Variants in ELOVL4 observed in about 807,000 individuals in gnomAD.
ELOVL4 encodes very long chain fatty acid elongase 4.
A neutral mutation model predicts 42.1 loss-of-function variants in ELOVL4; 18 were observed. That is an observed-to-expected ratio of 0.43 (90% CI 0.30 to 0.63). ELOVL4 has a LOEUF of 0.63. ELOVL4 is among the 30% of genes least tolerant of loss of function. The pLI is 0.15. For synonymous variants in ELOVL4, 117 were observed against 127.0 expected (o/e 0.92, Z 0.53); for missense variants, 299 against 376.2 (o/e 0.79, Z 1.70).
rs761446261 is a variant in ELOVL4, at chr6:79,916,690, G to T, written c.863C>A (p.Ala288Glu). The T allele has an allele frequency of 5.0e-6, 8 of 1,613,988 alleles. No homozygotes were observed. In the East Asian group the frequency reaches 1.6e-4, roughly 31 times the overall value. The stretch of plus-strand genomic sequence containing the variant: ...TTTTTCTGATTTGCTCACACCATTT[G>T]CTGAAATACCATTCATGGCTGTTTT... ...AGKTAMNGIS[A>E]NGVSKSEKQL... is the part of the protein sequence containing the mutation. The change falls in exon 6 of 6, where the codon GCA (alanine) becomes GAA (glutamate). Residue 288 changes from alanine to glutamate, a missense_variant. By Grantham distance (107) the Ala-to-Glu change is moderately radical (BLOSUM62 -1). Transcript: ENST00000369816.
intron 3 of ELOVL4, among the ~76,000 whole-genome samples, chr6:79,922,448 T>C (rs1168488377): frequency 2.1e-4 from 32 of 152,202 alleles, no homozygotes; most frequent in Non-Finnish European, 1.5e-5. Flanking sequence ...TTTCCTGGGC[T>C]CTAATTAAGG....
intron 1 of ELOVL4, among the ~76,000 whole-genome samples, chr6:79,942,619 G>T (rs1357628419): frequency 6.6e-6 from 1 of 152,172 alleles, no homozygotes; most frequent in Non-Finnish European, 1.5e-5. Context: ...TTACAAAAGT[G>T]CCATCTGATA....
intron 1 of ELOVL4, 134 bp from the exon 2 acceptor site, chr6:79,926,515 A>G: frequency 1.2e-6 from 1 of 837,470 alleles, no homozygotes. Flanking sequence ...TTGAGTCCCA[A>G]CAAAAAATAC....
chr6:79,947,254 C>A lies in ELOVL4; in HGVS notation c.26G>T (p.Gly9Val). ...CGTGGACACTACGTTTAGGACACTA[C>A]CCGGCTCCGAGTCCAGGAGCCCCAT... MGLLDSEP[G>V]SVLNVVSTAL... The change falls in exon 1 of 6, where the codon GGT (glycine) becomes GTT (valine). Residue 9 changes from glycine (G) to valine (V), a missense_variant. Gly to Val is a moderately radical substitution (Grantham distance 109). Coordinates refer to ENST00000369816, the MANE Select transcript of ELOVL4 (RefSeq NM_022726.4). 1.2e-6 allele frequency: 2 copies of A among 1,612,954 alleles called. No homozygotes were observed. The highest frequency in any genetic ancestry group is 1.7e-6 in the Non-Finnish European group (2 of 1,179,458).
At chr6:79,930,947 T>C (rs1774432486) in intron 1 of ELOVL4, among the ~76,000 whole-genome samples, 3 of 152,156 alleles carry the variant, frequency 2.0e-5, no homozygotes, top group Admixed American at 2.0e-4. Flanking sequence ...ATTAATTCAT[T>C]AAGAAAAAAG....
chr6:79,926,527 T>A, intron 1 of ELOVL4, 146 bp from the exon 2 acceptor site: 1 of 798,848 alleles, frequency 1.3e-6, no homozygotes, highest in African/African-American at 1.7e-5. Flanking sequence ...AAAAAATACA[T>A]GGTATAAAAA....
chr6:79,917,702 T>C (rs998221806), intron 5 of ELOVL4, among the ~76,000 whole-genome samples: 2 of 152,006 alleles, frequency 1.3e-5, no homozygotes, highest in African/African-American at 4.8e-5. Flanking sequence ...ATGACTGTAA[T>C]CCCAGCTACT....
At chr6:79,921,569 C>CCACTGAA in intron 4 of ELOVL4, 56 bp downstream of exon 4, 1 of 1,500,006 alleles carries the variant, frequency 6.7e-7, no homozygotes, top group Non-Finnish European at 9.2e-7. Context: ...TCATTGCTTT[C>CCACTGAA]CACTGAACAC....
In ELOVL4 at chr6:79,947,463, G is replaced by C; in HGVS notation, c.-184C>G. 3.2e-6 allele frequency: 2 copies of C among 620,554 alleles called. No homozygotes were observed. Among genetic ancestry groups the C allele is most frequent in the Middle Eastern group, 4.3e-4 (1 of 2,316 alleles). 38.4% of individuals were successfully genotyped at this position (620,554 alleles called of 1,614,324 possible). A position where few individuals can be genotyped will look rare whatever the true frequency, so the allele number is the denominator to read the frequency against. ...CGGCGGGGATGCGGCAGAAGGCAGG[G>C]CCAAGCGGAAGGCGTCGTCAAGGTT... On this transcript the variant is annotated 5_prime_UTR_variant, in exon 1 of 6. Transcript: ENST00000369816.
intron 1 of ELOVL4, among the ~76,000 whole-genome samples, chr6:79,945,787 C>T (rs1774730516): frequency 6.8e-6 from 1 of 147,334 alleles, no homozygotes; most frequent in African/African-American, 2.5e-5. Context: ...AGTGTAATAG[C>T]GCATAGAAAC....
In ELOVL4 at chr6:79,924,558, A is replaced by G. The variant is rs145148660; in HGVS notation, c.369+394T>C. On this transcript the variant is annotated intron_variant, in intron 3 of 5. Transcript: ENST00000369816. ...CTATCATATTAAAGTACATTTTGCCAGGTGTGGTGGCTCACACCTGTAATC... is the reference window on the plus strand; with the variant it reads ...CTATCATATTAAAGTACATTTTGCCGGGTGTGGTGGCTCACACCTGTAATC... Among the ~76,000 whole-genome samples the G allele has an allele frequency of 5.7e-3, 864 of 152,286 alleles. 8 individuals carry two copies. The highest frequency in any genetic ancestry group is 0.02 in the African/African-American group (813 of 41,566).
chr6:79,918,802 G>T (rs1408867598), intron 5 of ELOVL4, among the ~76,000 whole-genome samples: 2 of 152,190 alleles, frequency 1.3e-5, no homozygotes, highest in African/African-American at 4.8e-5. Flanking sequence ...CTTACTAGCG[G>T]GATGTGCTGA....
chr6:79,928,215 C>A (rs1400852025), intron 1 of ELOVL4, among the ~76,000 whole-genome samples: 1 of 152,088 alleles, frequency 6.6e-6, no homozygotes, highest in Non-Finnish European at 1.5e-5. Context: ...GTATCCTGTT[C>A]TTTTCCACCA....
In ELOVL4 at chr6:79,947,528, C is replaced by T. The variant is rs560742982; in HGVS notation, c.-249G>A. ...GAGGAGGTGGAGGAGGCCCAGCCGC[C>T]AGCACAGTGCGCTGCACCAGTCTGC... On this transcript the variant is annotated 5_prime_UTR_variant, in exon 1 of 6. Coordinates refer to ENST00000369816, the MANE Select transcript of ELOVL4 (RefSeq NM_022726.4). The T allele has an allele frequency of 7.6e-6, 4 of 527,880 alleles. No homozygotes were observed. The South Asian group carries it at 8.0e-5, about 11-fold the overall frequency. 32.7% of individuals were successfully genotyped at this position (527,880 alleles called of 1,614,324 possible).
In ELOVL4 at chr6:79,947,518, G is replaced by A. The variant is rs1428225231; in HGVS notation, c.-239C>T. 3 of 546,294 alleles carry A rather than the reference G, an allele frequency of 5.5e-6. No homozygotes were observed. Among genetic ancestry groups the A allele is most frequent in the Non-Finnish European group, 3.3e-6 (1 of 304,372 alleles). 33.8% of individuals were successfully genotyped at this position (546,294 alleles called of 1,614,324 possible). On this transcript the variant is annotated 5_prime_UTR_variant, in exon 1 of 6. Coordinates refer to ENST00000369816, the MANE Select transcript of ELOVL4 (RefSeq NM_022726.4). Reference sequence around the variant, plus strand: ...GGAGAAAGACGAGGAGGTGGAGGAGGCCCAGCCGCCAGCACAGTGCGCTGC... The same window carrying A: ...GGAGAAAGACGAGGAGGTGGAGGAGACCCAGCCGCCAGCACAGTGCGCTGC...
chr6:79,934,457 G>A (rs527675187), intron 1 of ELOVL4, among the ~76,000 whole-genome samples: 39 of 152,158 alleles, frequency 2.6e-4, no homozygotes, highest in African/African-American at 7.2e-4. Flanking sequence ...CAAAGTATGC[G>A]AAGGTTCCTA....
intron 3 of ELOVL4, among the ~76,000 whole-genome samples, chr6:79,924,149 T>C (rs958717938): frequency 6.6e-6 from 1 of 152,208 alleles, no homozygotes; most frequent in Non-Finnish European, 1.5e-5. Context: ...GAAAATAAAA[T>C]ATAACATCTT....
chr6:79,928,459 C>A (rs984062158), intron 1 of ELOVL4, among the ~76,000 whole-genome samples: 2 of 151,960 alleles, frequency 1.3e-5, no homozygotes, highest in African/African-American at 4.8e-5. Context: ...AGGTCCAAAC[C>A]TCTGCCAGAA....
rs993786858 is a variant in ELOVL4, at chr6:79,921,906, A to G, written c.370-110T>C. On this transcript the variant is annotated intron_variant, in intron 3 of 5. Coordinates refer to ENST00000369816, the MANE Select transcript of ELOVL4 (RefSeq NM_022726.4). ...CATTTGTATATTGCACAAAATGTAC[A>G]AGGCATGGAATCATTAATGGCTAAG... The G allele has an allele frequency of 7.6e-6, 8 of 1,055,692 alleles. No individual in the cohort carries two copies. In the African/African-American group the frequency reaches 1.1e-4, roughly 15 times the overall value. The allele number at this position is 1,055,692 out of a possible 1,614,324, so 65.4% of individuals were successfully genotyped here.
Sources: allele counts gnomAD v4.1 joint callset (sites outside exome capture counted in the v4.1 genomes callset), GRCh38; gene constraint gnomAD v4.1.1; transcripts MANE v1.5; gene names NCBI Gene and HGNC (gene_info 2026-07-23, HGNC 2026-07-21).